The following OR7E24 variants were observed in gnomAD, a reference collection of about 807,000 sequenced individuals.
The protein encoded by OR7E24 is olfactory receptor 7E24.
For synonymous variants in OR7E24, 130 were observed against 157.5 expected, an observed-to-expected ratio of 0.83 and a Z score of 1.31; for missense variants, 385 against 410.3, an observed-to-expected ratio of 0.94 and a Z score of 0.53.
upstream of OR7E24, chr19:9,247,403 C>A: frequency 2.5e-6 from 1 of 398,508 alleles, no homozygotes; most frequent in Non-Finnish European, 4.4e-6. Flanking sequence ...CATGTCTGAC[C>A]CTGTCTTCCT....
the OR7E24 span, among the ~76,000 whole-genome samples, chr19:9,223,982 C>G: frequency 0.01 from 1,523 of 152,082 alleles, 16 homozygotes; most frequent in Middle Eastern, 0.065. Flanking sequence ...TCCCGATTAG[C>G]TGGGATAACA....
the OR7E24 span, among the ~76,000 whole-genome samples, chr19:9,236,719 C>T: frequency 2.0e-5 from 3 of 151,910 alleles, no homozygotes; most frequent in Non-Finnish European, 2.9e-5. Flanking sequence ...AGTGCCATTC[C>T]TGAGATTTCT....
chr19:9,246,369 C>CAATTTGCTTATTAAAGT (rs2066130038), upstream of OR7E24, among the ~76,000 whole-genome samples: 2 of 151,834 alleles, frequency 1.3e-5, no homozygotes, highest in Non-Finnish European at 2.9e-5. Flanking sequence ...CGCCGGGCCT[C>CAATTTGCTTATTAAAGT]AATTTGCTTA....
At chr19:9,249,648 C>G (rs79441523), upstream of OR7E24, among the ~76,000 whole-genome samples, 5,369 of 152,138 alleles carry the variant, frequency 0.035, 231 homozygotes, top group African/African-American at 0.11. Flanking sequence ...GAAAGTAATG[C>G]CAAAGTATTT....
At chr19:9,215,341 CAAAA>C in the OR7E24 span, among the ~76,000 whole-genome samples, 59 of 83,136 alleles carry the variant, frequency 7.1e-4, no homozygotes, top group African/African-American at 1.8e-3. Flanking sequence ...GACTCCGTCT[CAAAA>C]AAAAAAAAAA....
upstream of OR7E24, among the ~76,000 whole-genome samples, chr19:9,242,872 C>T (rs959822485): frequency 6.7e-6 from 1 of 149,256 alleles, no homozygotes; most frequent in South Asian, 2.1e-4. Flanking sequence ...CCCTCATTCC[C>T]TCCTCTTTCT....
chr19:9,225,377 AGGAAGGAAGGAAGGAGG>A, the OR7E24 span, among the ~76,000 whole-genome samples: 2 of 140,828 alleles, frequency 1.4e-5, no homozygotes, highest in East Asian at 5.0e-4. Flanking sequence ...GAAGGAAAGA[AGGAAGGAAGGAAGGAGG>A]GGAAGGAAGG....
At chr19:9,220,830 A>G in the OR7E24 span, among the ~76,000 whole-genome samples, 9 of 152,198 alleles carry the variant, frequency 5.9e-5, no homozygotes, top group Non-Finnish European at 1.3e-4. Flanking sequence ...TCCTACCAAC[A>G]GTGTAGAAGG....
chr19:9,250,638 A>G (rs897378900), upstream of OR7E24, among the ~76,000 whole-genome samples: 4 of 152,222 alleles, frequency 2.6e-5, no homozygotes, highest in Non-Finnish European at 5.9e-5. Flanking sequence ...GAGTGTTGAT[A>G]AATATCCTCA....
chr19:9,222,497 G>A, the OR7E24 span, among the ~76,000 whole-genome samples: 1 of 151,778 alleles, frequency 6.6e-6, no homozygotes, highest in East Asian at 1.9e-4. Flanking sequence ...TATAGTTCTG[G>A]GTGTACAAAT....
the OR7E24 span, chr19:9,213,693 G>A: frequency 3.7e-6 from 2 of 543,374 alleles, no homozygotes; most frequent in Non-Finnish European, 6.6e-6. Flanking sequence ...AGCCAAGATT[G>A]CACCACTGCA....
At chr19:9,233,989 C>T in the OR7E24 span, among the ~76,000 whole-genome samples, 6 of 151,486 alleles carry the variant, frequency 4.0e-5, no homozygotes, top group South Asian at 4.2e-4. Flanking sequence ...CTGCAACCTC[C>T]GCCTCCCAGG....
the OR7E24 span, among the ~76,000 whole-genome samples, chr19:9,220,201 T>C: frequency 6.6e-6 from 1 of 152,162 alleles, no homozygotes; most frequent in Non-Finnish European, 1.5e-5. Flanking sequence ...ACACTTAATA[T>C]CCACTCTCTT....
At chr19:9,247,896 TTGTATA>T (rs1461383971), upstream of OR7E24, among the ~76,000 whole-genome samples, 1 of 152,172 alleles carries the variant, frequency 6.6e-6, no homozygotes, top group African/African-American at 2.4e-5. Flanking sequence ...CATTGGCTGT[TTGTATA>T]TGTTCTTTAG....
At chr19:9,235,134 C>T in the OR7E24 span, 4 of 984,720 alleles carry the variant, frequency 4.1e-6, no homozygotes, top group South Asian at 4.5e-5. Context: ...CCAGTAGACA[C>T]AACAGCTACA....
chr19:9,224,893 G>A, the OR7E24 span, among the ~76,000 whole-genome samples: 1 of 152,300 alleles, frequency 6.6e-6, no homozygotes, highest in Admixed American at 6.5e-5. Flanking sequence ...GAGAAGAGGA[G>A]ATTATGTTGG....
the OR7E24 span, among the ~76,000 whole-genome samples, chr19:9,234,190 C>T: frequency 6.6e-6 from 1 of 152,230 alleles, no homozygotes; most frequent in Non-Finnish European, 1.5e-5. Flanking sequence ...GCGTGAGCCA[C>T]TGTGCCTGGC....
At chr19:9,215,337 G>A in the OR7E24 span, among the ~76,000 whole-genome samples, 14 of 62,998 alleles carry the variant, frequency 2.2e-4, no homozygotes, top group Middle Eastern at 0.028. Flanking sequence ...GTGAGACTCC[G>A]TCTCAAAAAA....
chr19:9,248,109 T>A (rs999182771), upstream of OR7E24, among the ~76,000 whole-genome samples: 6 of 152,172 alleles, frequency 3.9e-5, no homozygotes, highest in Admixed American at 1.3e-4. Context: ...GAACTTCCCA[T>A]AGACATCTCA....
Sources: gnomAD v4.1 joint callset for allele counts (sites outside exome capture counted in the v4.1 genomes callset) on GRCh38, gnomAD v4.1.1 for gene constraint, MANE v1.5 for transcripts, NCBI Gene and HGNC (gene_info 2026-07-23, HGNC 2026-07-21) for gene names.